The following ADGRB3 variants were observed in gnomAD, a reference collection of about 807,000 sequenced individuals.
The protein encoded by ADGRB3 is brain-specific angiogenesis inhibitor 3.
ADGRB3 carries 37 observed loss-of-function variants against 193.4 expected under a neutral mutation model. The observed-to-expected ratio is 0.19, with a 90% CI of 0.15 to 0.25. The LOEUF is 0.25. Among genes scored for constraint, ADGRB3 ranks in the 10% least tolerant of loss-of-function variants. The probability of loss-of-function intolerance (pLI) is 1.00; values close to 1 mark genes in which losing one functional copy is unlikely to be tolerated. For synonymous variants in ADGRB3, 690 were observed against 644.2 expected (o/e 1.07, Z -1.08); for missense variants, 1,637 against 1,852.9 (o/e 0.88, Z 2.14).
chr6:68,911,124 G>A (rs1766693799), intron 3 of ADGRB3, among the ~76,000 whole-genome samples: 1 of 151,966 alleles, frequency 6.6e-6, no homozygotes, highest in Non-Finnish European at 1.5e-5. Flanking sequence ...GTAGGGACAT[G>A]GATGAAGCTG....
chr6:69,331,179 CT>C lies in ADGRB3; in HGVS notation c.3102+608del, dbSNP rs569182886. Among the ~76,000 whole-genome samples the C allele has an allele frequency of 3.3e-5, 5 of 152,188 alleles. No homozygotes were observed. The South Asian group carries it at 1.0e-3, about 32-fold the overall frequency. ...AATGGTCCCGGGGGGTCAAAATCAT[CT>C]CTGTTTAAGAATCATTCCCATATGT... is the stretch of plus-strand genomic sequence containing the variant. On this transcript the variant is annotated intron_variant, in intron 23 of 31. Transcript: ENST00000370598.
chr6:69,003,441 G>A (rs1296434856), intron 11 of ADGRB3, among the ~76,000 whole-genome samples: 1 of 152,060 alleles, frequency 6.6e-6, no homozygotes, highest in Non-Finnish European at 1.5e-5. Flanking sequence ...GCACTGAAGG[G>A]CCATTTTGTA....
intron 20 of ADGRB3, among the ~76,000 whole-genome samples, chr6:69,293,122 C>A (rs1231185956): frequency 6.6e-6 from 1 of 152,104 alleles, no homozygotes; most frequent in Non-Finnish European, 1.5e-5. Flanking sequence ...GGCAAGGGGA[C>A]AAAAGAAAGC....
intron 20 of ADGRB3, among the ~76,000 whole-genome samples, 196 bp downstream of exon 20, chr6:69,239,422 C>T (rs774469597): frequency 5.9e-5 from 9 of 151,814 alleles, no homozygotes; most frequent in Non-Finnish European, 1.3e-4. Context: ...ATTTAATTCC[C>T]TGTGGGTTGA....
At chr6:68,782,390 G>C (rs1207591689) in intron 3 of ADGRB3, among the ~76,000 whole-genome samples, 1 of 151,866 alleles carries the variant, frequency 6.6e-6, no homozygotes, top group East Asian at 1.9e-4. Context: ...CATTTGAGTT[G>C]GTTCCAAGTC....
At chr6:69,328,813 G>A (rs115225615) in intron 22 of ADGRB3, among the ~76,000 whole-genome samples, 1,538 of 152,106 alleles carry the variant, frequency 0.01, 13 homozygotes, top group Middle Eastern at 0.068. Flanking sequence ...CACAGTACTG[G>A]TTACTACAGC....
rs1215362220 is a variant in ADGRB3, at chr6:68,943,933, A to G, written c.1134A>G (p.Gly378=). 1.2e-6 allele frequency: 2 copies of G among 1,613,958 alleles called. No homozygotes were observed. The highest frequency in any genetic ancestry group is 1.7e-6 in the Non-Finnish European group (2 of 1,179,882). The change falls in exon 6 of 32, where the codon GGA becomes GGG. Residue 378 remains glycine (G), a synonymous_variant. Coordinates refer to ENST00000370598, the MANE Select transcript of ADGRB3 (RefSeq NM_001704.3). ...GGTCATGCACACCTCCTCAGTATGG[A>G]GGAAGGCCGTGTGAAGGACCTGAAA... ...RTRSCTPPQY[G]GRPCEGPETH...
intron 17 of ADGRB3, among the ~76,000 whole-genome samples, chr6:69,203,452 T>TG (rs1765474598): frequency 9.2e-6 from 1 of 109,000 alleles, no homozygotes. Flanking sequence ...ATTGTTTTTG[T>TG]TTTTTTTTTC....
At chr6:68,950,974 C>T (rs1435195814) in intron 6 of ADGRB3, among the ~76,000 whole-genome samples, 1 of 152,146 alleles carries the variant, frequency 6.6e-6, no homozygotes, top group Non-Finnish European at 1.5e-5. Context: ...CTATAGGGCC[C>T]TATAAGATCT....
intron 20 of ADGRB3, among the ~76,000 whole-genome samples, chr6:69,243,901 G>T (rs1766435388): frequency 6.6e-6 from 1 of 151,988 alleles, no homozygotes; most frequent in Admixed American, 6.6e-5. Context: ...AAAATAAATT[G>T]TAGATATTAT....
intron 20 of ADGRB3, among the ~76,000 whole-genome samples, chr6:69,279,062 AATAC>A (rs1767362306): frequency 8.7e-6 from 1 of 115,364 alleles, no homozygotes; most frequent in Non-Finnish European, 1.7e-5. Flanking sequence ...TGGCATATTA[AATAC>A]ATATGTATAT....
intron 3 of ADGRB3, among the ~76,000 whole-genome samples, chr6:68,742,506 G>T (rs1766001120): frequency 6.6e-6 from 1 of 152,024 alleles, no homozygotes; most frequent in African/African-American, 2.4e-5. Flanking sequence ...GAAAGGACAG[G>T]TTTAAAATTT....
intron 3 of ADGRB3, among the ~76,000 whole-genome samples, chr6:68,647,228 T>C (rs1186019220): frequency 6.6e-6 from 1 of 152,226 alleles, no homozygotes; most frequent in Non-Finnish European, 1.5e-5. Context: ...TTATGTTTCT[T>C]TGTGAAGTAG....
chr6:68,704,634 A>G (rs1169665256), intron 3 of ADGRB3, among the ~76,000 whole-genome samples: 1 of 152,210 alleles, frequency 6.6e-6, no homozygotes, highest in Admixed American at 6.5e-5. Flanking sequence ...AAAGAAAACA[A>G]ACAAGAACTT....
intron 3 of ADGRB3, among the ~76,000 whole-genome samples, chr6:68,814,771 C>CA (rs36170051): frequency 0.4 from 60,847 of 151,850 alleles, 13,362 homozygotes; most frequent in African/African-American, 0.56. Flanking sequence ...AGCAGCACAT[C>CA]AAAAAGCTTA....
chr6:69,062,871 G>T, intron 15 of ADGRB3, 63 bp from the exon 16 acceptor site: 1 of 1,159,604 alleles, frequency 8.6e-7, no homozygotes, highest in Non-Finnish European at 1.3e-6. Flanking sequence ...AATGTATTGA[G>T]CAGTAGGAAT....
chr6:69,312,422 G>A (rs948036859), intron 20 of ADGRB3, among the ~76,000 whole-genome samples: 1 of 151,694 alleles, frequency 6.6e-6, no homozygotes, highest in African/African-American at 2.4e-5. Flanking sequence ...TAGGCAAATA[G>A]GGATTTGAAA....
In ADGRB3 at chr6:68,638,671, A is replaced by T; in HGVS notation, c.-5A>T. ...TTGCCATTTTTACAGGCCAAATGAC[A>T]TAGGATGAAGGCTGTTCGTAACCTG... On this transcript the variant is annotated 5_prime_UTR_variant, in exon 3 of 32. Transcript: ENST00000370598. 6.2e-7 allele frequency: 1 copy of T among 1,604,088 alleles called. No homozygotes were observed.
At chr6:68,654,947 G>A (rs2250130) in intron 3 of ADGRB3, among the ~76,000 whole-genome samples, 5,899 of 151,556 alleles carry the variant, frequency 0.039, 361 homozygotes, top group African/African-American at 0.13. Context: ...TAAATCATTT[G>A]CCAAGTAGGT....
Sources: allele counts gnomAD v4.1 joint callset (sites outside exome capture counted in the v4.1 genomes callset), GRCh38; gene constraint gnomAD v4.1.1; transcripts MANE v1.5; gene names NCBI Gene and HGNC (gene_info 2026-07-23, HGNC 2026-07-21).